Variants in CADM2 observed in about 807,000 individuals in gnomAD.
CADM2 encodes cell adhesion molecule 2.
CADM2 carries 12 observed loss-of-function variants against 49.8 expected under a neutral mutation model. The ratio of observed to expected loss-of-function variants is 0.24; its 90% CI spans 0.15 to 0.39. The LOEUF (loss-of-function observed/expected upper bound fraction) is 0.39, where lower values mean the gene tolerates loss of function less well. Ranked by LOEUF, CADM2 falls within the 10% of genes least tolerant of loss-of-function variation. The pLI is 1.00. For synonymous variants in CADM2, 214 were observed against 175.4 expected (o/e 1.22, Z -1.74); for missense variants, 378 against 492.3 (o/e 0.77, Z 2.20).
At chr3:85,922,871 G>A (rs753098736) in intron 6 of CADM2, among the ~76,000 whole-genome samples, 1 of 151,394 alleles carries the variant, frequency 6.6e-6, no homozygotes, top group Non-Finnish European at 1.5e-5. Context: ...ACCCAGGCTG[G>A]AGTGCAGTGG....
intron 1 of CADM2, among the ~76,000 whole-genome samples, chr3:85,708,279 T>C (rs966538724): frequency 1.3e-5 from 2 of 152,216 alleles, no homozygotes; most frequent in African/African-American, 4.8e-5. Context: ...TTTCTTTTTT[T>C]TAATTTAATC....
intron 1 of CADM2, among the ~76,000 whole-genome samples, chr3:84,997,118 A>T (rs1212848154): frequency 6.6e-6 from 1 of 152,110 alleles, no homozygotes; most frequent in Non-Finnish European, 1.5e-5. Flanking sequence ...CTCTGTCTCA[A>T]TAGTGTTTAG....
chr3:85,906,101 T>C (rs538619251), intron 5 of CADM2, among the ~76,000 whole-genome samples: 142 of 152,306 alleles, frequency 9.3e-4, no homozygotes, highest in African/African-American at 3.2e-3. Flanking sequence ...ATATTTTTAT[T>C]TCCTTAAAGT....
intron 3 of CADM2, among the ~76,000 whole-genome samples, chr3:85,813,001 A>C (rs1452025986): frequency 6.6e-6 from 1 of 152,202 alleles, no homozygotes; most frequent in South Asian, 2.1e-4. Context: ...ATAGTGCTGC[A>C]ATAAACATAT....
chr3:85,946,283 C>T (rs1027306222), intron 7 of CADM2, among the ~76,000 whole-genome samples: 2 of 150,230 alleles, frequency 1.3e-5, no homozygotes, highest in Non-Finnish European at 2.9e-5. Context: ...TAAAAGAGGA[C>T]ACAATCAAAT....
chr3:85,310,112 T>G (rs1384895755), intron 1 of CADM2, among the ~76,000 whole-genome samples: 1 of 152,216 alleles, frequency 6.6e-6, no homozygotes, highest in African/African-American at 2.4e-5. Flanking sequence ...AGAAGATGCC[T>G]TTCACATGTG....
chr3:85,210,541 T>A (rs1225156824), intron 1 of CADM2, among the ~76,000 whole-genome samples: 2 of 151,956 alleles, frequency 1.3e-5, no homozygotes, highest in Admixed American at 1.3e-4. Context: ...TTTGGGGATT[T>A]TTTTCTTTTT....
chr3:85,689,873 A>C (rs918635113), intron 1 of CADM2, among the ~76,000 whole-genome samples: 1 of 152,208 alleles, frequency 6.6e-6, no homozygotes, highest in Non-Finnish European at 1.5e-5. Flanking sequence ...TATGGGTATA[A>C]AGTTTTTTAT....
rs1178082446 is a variant in CADM2, at chr3:85,855,616, TAAA to T, written c.239-27673_239-27671del. Among the ~76,000 whole-genome samples the T allele has an allele frequency of 4.4e-3, 179 of 40,864 alleles. 5 individuals are homozygous for T. The highest frequency in any genetic ancestry group is 6.6e-3 in the Non-Finnish European group (143 of 21,646). The allele number at this position is 40,864 out of a possible 152,430, so 26.8% of individuals were successfully genotyped here. A position where few individuals can be genotyped will look rare whatever the true frequency, so the allele number is the denominator to read the frequency against. On this transcript the variant is annotated intron_variant, in intron 3 of 9. Coordinates refer to ENST00000383699, the MANE Select transcript of CADM2 (RefSeq NM_001167675.2). Reference sequence around the variant, plus strand: ...TATATATAAAACATATATATATATATAAAACATATATATATATATATATATTTT... The same window carrying T: ...TATATATAAAACATATATATATATATACATATATATATATATATATATTTT...
intron 8 of CADM2, among the ~76,000 whole-genome samples, chr3:86,011,494 A>G (rs781132609): frequency 2.6e-5 from 4 of 152,192 alleles, no homozygotes; most frequent in East Asian, 1.9e-4. Context: ...CGTTGCCACA[A>G]TTAGTGGCAA....
intron 1 of CADM2, among the ~76,000 whole-genome samples, chr3:85,400,091 T>G (rs936113066): frequency 3.3e-5 from 5 of 152,200 alleles, no homozygotes; most frequent in Non-Finnish European, 7.3e-5. Context: ...GGGCTCGTCA[T>G]AGGTAGCTCT....
chr3:85,509,795 G>T (rs1468947029), intron 1 of CADM2, among the ~76,000 whole-genome samples: 1 of 151,960 alleles, frequency 6.6e-6, no homozygotes, highest in Non-Finnish European at 1.5e-5. Context: ...ACTGCTTCCT[G>T]AACACAGTTT....
At chr3:85,733,708 T>A (rs1455132565) in intron 2 of CADM2, among the ~76,000 whole-genome samples, 1 of 152,162 alleles carries the variant, frequency 6.6e-6, no homozygotes, top group Non-Finnish European at 1.5e-5. Context: ...CAATTAGAAA[T>A]CAGTTTAAGC....
At chr3:85,943,567 TC>T (rs1006357380) in intron 7 of CADM2, among the ~76,000 whole-genome samples, 105 of 151,926 alleles carry the variant, frequency 6.9e-4, no homozygotes, top group African/African-American at 2.5e-3. Flanking sequence ...TAGCCAGTTT[TC>T]CCAGCACCAT....
intron 1 of CADM2, among the ~76,000 whole-genome samples, chr3:84,971,618 C>T (rs929207579): frequency 6.6e-6 from 1 of 151,930 alleles, no homozygotes; most frequent in Admixed American, 6.6e-5. Flanking sequence ...AACTTTATCT[C>T]GCTTTACCCA....
intron 1 of CADM2, among the ~76,000 whole-genome samples, chr3:85,205,102 C>A (rs1447407551): frequency 6.6e-6 from 1 of 151,062 alleles, no homozygotes; most frequent in East Asian, 1.9e-4. Flanking sequence ...ACTGCAGCCT[C>A]CACCTCATGG....
chr3:84,986,398 CTAT>C (rs1340602427), intron 1 of CADM2, among the ~76,000 whole-genome samples: 1 of 152,104 alleles, frequency 6.6e-6, no homozygotes, highest in African/African-American at 2.4e-5. Flanking sequence ...TCTCCCACTA[CTAT>C]TATGGGGAAT....
In CADM2 at chr3:85,469,517, A is replaced by C. The variant is rs546060823; in HGVS notation, c.62-257005A>C. Reference sequence around the variant, plus strand: ...CCAGAGCTCAATTTATTCAAAGAGCACCAAATATGATTTATTTGGGGGATC... The same window carrying C: ...CCAGAGCTCAATTTATTCAAAGAGCCCCAAATATGATTTATTTGGGGGATC... On this transcript the variant is annotated intron_variant, in intron 1 of 9. Coordinates refer to ENST00000383699, the MANE Select transcript of CADM2 (RefSeq NM_001167675.2). 5.3e-5 allele frequency among the ~76,000 whole-genome samples: 8 copies of C among 152,284 alleles called. No individual in the cohort carries two copies. The East Asian group carries it at 1.5e-3, about 29-fold the overall frequency.
chr3:85,185,447 C>A (rs918661463), intron 1 of CADM2, among the ~76,000 whole-genome samples: 3 of 151,944 alleles, frequency 2.0e-5, no homozygotes, highest in Admixed American at 1.3e-4. Context: ...AAAATATGTT[C>A]TTTTTCCCAT....
Sources: allele counts gnomAD v4.1 joint callset (sites outside exome capture counted in the v4.1 genomes callset), GRCh38; gene constraint gnomAD v4.1.1; transcripts MANE v1.5; gene names NCBI Gene and HGNC (gene_info 2026-07-23, HGNC 2026-07-21).